HECW2: variants seen among roughly 807,000 people sequenced by gnomAD.
The protein encoded by HECW2 is HECT, C2 and WW domain containing E3 ubiquitin protein ligase 2.
Under a neutral mutation model 175.2 loss-of-function variants are expected in HECW2, and 61 were observed. That is an observed-to-expected ratio of 0.35 (90% CI 0.28 to 0.43). The LOEUF is 0.43. HECW2 is among the 20% of genes least tolerant of loss of function. HECW2 has a pLI of 1.00. For missense variants in HECW2, 1,524 were observed against 2,000.5 expected, an observed-to-expected ratio of 0.76 and a Z score of 4.54; for synonymous variants, 671 against 731.0, an observed-to-expected ratio of 0.92 and a Z score of 1.32.
intron 1 of HECW2, among the ~76,000 whole-genome samples, chr2:196,501,127 AC>A (rs1426541800): frequency 6.6e-6 from 1 of 152,144 alleles, no homozygotes; most frequent in Non-Finnish European, 1.5e-5. Flanking sequence ...TTTTATGAAA[AC>A]CCTAAAATAT....
intron 2 of HECW2, among the ~76,000 whole-genome samples, chr2:196,413,258 C>T (rs1048930241): frequency 1.2e-4 from 19 of 152,054 alleles, no homozygotes; most frequent in African/African-American, 1.9e-4. Flanking sequence ...AGGAAGCTGG[C>T]GTGGGAGGAT....
intron 19 of HECW2, among the ~76,000 whole-genome samples, chr2:196,252,243 C>T (rs1312039813): frequency 1.3e-5 from 2 of 150,414 alleles, no homozygotes; most frequent in African/African-American, 2.4e-5. Context: ...CAGCCCTAGC[C>T]TACCTTTCCA....
intron 2 of HECW2, among the ~76,000 whole-genome samples, chr2:196,417,838 G>A (rs958255785): frequency 5.3e-5 from 8 of 152,230 alleles, no homozygotes; most frequent in African/African-American, 1.4e-4. Flanking sequence ...CTAGATGTTC[G>A]CTGAATTCTT....
intron 2 of HECW2, among the ~76,000 whole-genome samples, chr2:196,358,585 C>CAAAAAAAAAAAAAAA (rs144181608): frequency 3.0e-5 from 2 of 67,330 alleles, no homozygotes; most frequent in African/African-American, 1.3e-4. Flanking sequence ...GACTCTGTCT[C>CAAAAAAAAAAAAAAA]AAAAAAAAAA....
In HECW2 at chr2:196,434,589, G is replaced by A. The variant is rs565415299; in HGVS notation, c.-35-1131C>T. On this transcript the variant is annotated intron_variant, in intron 1 of 28. Coordinates refer to ENST00000644978, the MANE Select transcript of HECW2 (RefSeq NM_001348768.2). Reference sequence around the variant, plus strand: ...CCAGCGCCTTACCTGTTTGCCATGGGTTTACATTACCTCACTCGGATCTCA... The same window carrying A: ...CCAGCGCCTTACCTGTTTGCCATGGATTTACATTACCTCACTCGGATCTCA... 3.9e-5 allele frequency among the ~76,000 whole-genome samples: 6 copies of A among 152,250 alleles called. No homozygotes were observed. In the East Asian group the frequency reaches 1.2e-3, roughly 29 times the overall value.
At chr2:196,322,408 C>A (rs898691294) in intron 7 of HECW2, 70 bp downstream of exon 7, 9 of 1,359,562 alleles carry the variant, frequency 6.6e-6, no homozygotes, top group Admixed American at 4.3e-5. Context: ...CCTAGGACTA[C>A]CAAGTTTCAT....
chr2:196,513,354 GA>G lies in HECW2; in HGVS notation c.-35-79897del, dbSNP rs1688025263. ...CGAAATGTCATCTCTACAAAAAATAGAAAAATTAGCTGGGCACGTTGGCACA... is the reference window on the plus strand; with the variant it reads ...CGAAATGTCATCTCTACAAAAAATAGAAAATTAGCTGGGCACGTTGGCACA... On this transcript the variant is annotated intron_variant, in intron 1 of 28. Coordinates refer to ENST00000644978, the MANE Select transcript of HECW2 (RefSeq NM_001348768.2). Among the ~76,000 whole-genome samples the G allele has an allele frequency of 1.3e-5, 2 of 152,188 alleles. 1 individual carries two copies. The highest frequency in any genetic ancestry group is 4.2e-4 in the South Asian group (2 of 4,814).
chr2:196,577,060 G>T (rs187730475), intron 1 of HECW2, among the ~76,000 whole-genome samples: 3 of 152,250 alleles, frequency 2.0e-5, no homozygotes, highest in East Asian at 1.9e-4. Flanking sequence ...TTTTGTCAAG[G>T]CAAGTGTAAG....
chr2:196,498,668 A>G (rs1687475658), intron 1 of HECW2, among the ~76,000 whole-genome samples: 1 of 152,214 alleles, frequency 6.6e-6, no homozygotes, highest in South Asian at 2.1e-4. Context: ...AAAACTAATG[A>G]AAGGCCACAG....
Position 196,319,143 on chromosome 2 carries a change from C to G in HECW2, c.1747G>C (p.Gly583Arg). 1.9e-6 allele frequency: 3 copies of G among 1,593,694 alleles called. No individual in the cohort carries two copies. The highest frequency in any genetic ancestry group is 2.6e-6 in the Non-Finnish European group (3 of 1,169,312). ...CTTCCTCCTGATGCATCGGAAGTCC[C>G]TGTGTCTGCGCCACTTGTGGGCTGA... Reference protein sequence around the residue: ...VDQPTSGADTGTSDASGGSRR... With the variant: ...VDQPTSGADTRTSDASGGSRR... Residue 583 changes from glycine (G) to arginine (R), a missense_variant, in exon 9 of 29, where the codon GGG (glycine) becomes CGG (arginine). By Grantham distance (125) the Gly-to-Arg change is moderately radical (BLOSUM62 -2). Around this residue, in one of 11 missense-constraint regions of HECW2, gnomAD observed 604 missense variants for 588.3 expected, o/e 1.03. Transcript: ENST00000644978.
At chr2:196,374,420 C>T (rs1230277858) in intron 2 of HECW2, among the ~76,000 whole-genome samples, 1 of 152,098 alleles carries the variant, frequency 6.6e-6, no homozygotes, top group Non-Finnish European at 1.5e-5. Context: ...TCATATTTGT[C>T]CATAATTTCC....
At chr2:196,527,314 C>G (rs28510656) in intron 1 of HECW2, among the ~76,000 whole-genome samples, 5,395 of 152,358 alleles carry the variant, frequency 0.035, 314 homozygotes, top group African/African-American at 0.12. Flanking sequence ...CCAAGTGAGG[C>G]AATGCCTCGC....
At chr2:196,404,819 C>CTTT (rs71012909) in intron 2 of HECW2, among the ~76,000 whole-genome samples, 11 of 80,376 alleles carry the variant, frequency 1.4e-4, no homozygotes, top group African/African-American at 5.4e-4. Flanking sequence ...TTTTTCTTCT[C>CTTT]TTTTTTTTTT....
At chr2:196,431,093 T>C (rs1695698896) in intron 2 of HECW2, among the ~76,000 whole-genome samples, 1 of 152,140 alleles carries the variant, frequency 6.6e-6, no homozygotes, top group Non-Finnish European at 1.5e-5. Flanking sequence ...CAATGATAAC[T>C]TACATGAGAA....
intron 2 of HECW2, among the ~76,000 whole-genome samples, chr2:196,390,213 C>T (rs13427710): frequency 0.19 from 28,883 of 151,936 alleles, 3,860 homozygotes; most frequent in African/African-American, 0.37. Flanking sequence ...ATGTAGCTTG[C>T]CCAAAATTAC....
At chr2:196,535,008 G>C (rs1334979010) in intron 1 of HECW2, among the ~76,000 whole-genome samples, 1 of 150,326 alleles carries the variant, frequency 6.7e-6, no homozygotes, top group Non-Finnish European at 1.5e-5. Context: ...ATACCAATTT[G>C]CACGACAAAA....
Position 196,258,105 on chromosome 2 carries a change from C to T in HECW2, c.3336-199G>A, listed in dbSNP as rs1289352018. 1.2e-4 allele frequency: 69 copies of T among 553,058 alleles called. No individual in the cohort carries two copies. The East Asian group carries it at 2.0e-3, about 16-fold the overall frequency. The allele number at this position is 553,058 out of a possible 1,614,324, so 34.3% of individuals were successfully genotyped here. On this transcript the variant is annotated intron_variant, in intron 17 of 28. Transcript: ENST00000644978. ...AGGGGGGGGATCTTGTAAGCATCAA[C>T]ACCTCCCAGTTCTAATGTTGTGGGG...
intron 1 of HECW2, among the ~76,000 whole-genome samples, chr2:196,473,760 A>G (rs1697309030): frequency 6.6e-6 from 1 of 152,254 alleles, no homozygotes. Flanking sequence ...CTTGAAAAAG[A>G]TAATAAATCA....
At position 196,511,860 on chromosome 2, in the gene HECW2, T is replaced by C. The variant is rs146001308; in HGVS notation, c.-35-78402A>G. 5.9e-4 allele frequency among the ~76,000 whole-genome samples: 90 copies of C among 152,218 alleles called. No homozygotes were observed. In the East Asian group the frequency reaches 9.3e-3, roughly 16 times the overall value. On this transcript the variant is annotated intron_variant, in intron 1 of 28. Coordinates refer to ENST00000644978, the MANE Select transcript of HECW2 (RefSeq NM_001348768.2). Reference sequence around the variant, plus strand: ...TGGGAGAAGTGGTAAAGAAAAAAAGTAGCTATTCAGAGCAGGCCCTGTGAT... The same window carrying C: ...TGGGAGAAGTGGTAAAGAAAAAAAGCAGCTATTCAGAGCAGGCCCTGTGAT...
Sources: allele counts gnomAD v4.1 joint callset (sites outside exome capture counted in the v4.1 genomes callset), GRCh38; gene constraint gnomAD v4.1.1; regional missense constraint gnomAD v4.1.1; transcripts MANE v1.5; gene names NCBI Gene and HGNC (gene_info 2026-07-23, HGNC 2026-07-21).